SYT14: variants seen among roughly 807,000 people sequenced by gnomAD.
The protein encoded by SYT14 is synaptotagmin 14.
In SYT14, 32 loss-of-function variants were observed where a neutral mutation model predicts 74.2. The observed-to-expected ratio is 0.43, with a 90% confidence interval of 0.33 to 0.58. The LOEUF is 0.58. SYT14 is among the 20% of genes least tolerant of loss of function. The pLI is 0.05. For missense variants in SYT14, 791 were observed against 981.8 expected (o/e 0.81, Z 2.60); for synonymous variants, 298 against 337.7 (o/e 0.88, Z 1.29).
chr1:209,947,915 G>A (rs1054815924), intron 1 of SYT14, among the ~76,000 whole-genome samples: 29 of 152,150 alleles, frequency 1.9e-4, no homozygotes, highest in African/African-American at 6.5e-4. Flanking sequence ...ACATCAAGGC[G>A]AGACCCTTCG....
intron 5 of SYT14, among the ~76,000 whole-genome samples, chr1:210,084,724 C>T (rs755379363): frequency 6.6e-5 from 10 of 152,282 alleles, no homozygotes; most frequent in Middle Eastern, 6.8e-3. Flanking sequence ...AAAGAGCATT[C>T]GTAGGTTAAA....
At chr1:210,028,803 T>A (rs1410750293) in intron 5 of SYT14, among the ~76,000 whole-genome samples, 1 of 152,192 alleles carries the variant, frequency 6.6e-6, no homozygotes, top group East Asian at 1.9e-4. Flanking sequence ...ATGAAATTGG[T>A]GGCTCTATGG....
chr1:209,964,983 T>C (rs1246614111), intron 2 of SYT14, among the ~76,000 whole-genome samples: 1 of 152,166 alleles, frequency 6.6e-6, no homozygotes. Context: ...ATAAGCAGGC[T>C]TTTCTAAGGA....
intron 5 of SYT14, among the ~76,000 whole-genome samples, chr1:210,049,704 C>T (rs1363133177): frequency 6.6e-6 from 1 of 152,126 alleles, no homozygotes; most frequent in East Asian, 1.9e-4. Flanking sequence ...TGTTCCTGCC[C>T]AAACACCAGT....
chr1:210,070,601 A>G (rs1489034005), intron 5 of SYT14, among the ~76,000 whole-genome samples: 6 of 152,228 alleles, frequency 3.9e-5, no homozygotes, highest in Admixed American at 1.3e-4. Context: ...CTCAAGGCCT[A>G]TGGAGTTTAG....
chr1:210,087,131 G>A (rs990083249), intron 5 of SYT14, among the ~76,000 whole-genome samples: 8 of 152,108 alleles, frequency 5.3e-5, no homozygotes, highest in African/African-American at 1.7e-4. Context: ...TCTAGGCCCT[G>A]ACTTCCTGCC....
At chr1:210,078,955 G>A (rs772373889) in intron 5 of SYT14, among the ~76,000 whole-genome samples, 16 of 151,494 alleles carry the variant, frequency 1.1e-4, no homozygotes, top group Non-Finnish European at 1.3e-4. Context: ...AGTTTTCACC[G>A]TGTTTCCCAG....
chr1:209,990,525 A>ATATATATATATATACG (rs2079645945), intron 2 of SYT14, among the ~76,000 whole-genome samples: 8 of 96,580 alleles, frequency 8.3e-5, no homozygotes, highest in Non-Finnish European at 1.3e-4. Flanking sequence ...AATATTTCAC[A>ATATATATATATATACG]TATATATATA....
At chr1:209,993,601 G>T (rs781194747) in intron 2 of SYT14, among the ~76,000 whole-genome samples, 7 of 152,148 alleles carry the variant, frequency 4.6e-5, no homozygotes, top group Non-Finnish European at 7.3e-5. Flanking sequence ...CTTAAACAGG[G>T]CCTGTCCAGA....
At position 210,059,451 on chromosome 1, in the gene SYT14, T is replaced by TATATATATAGAGAG. The variant is rs377050610; in HGVS notation, c.1313-34870_1313-34869insTATATATAGAGAGA. Among the ~76,000 whole-genome samples, 229 of 69,866 alleles carry TATATATATAGAGAG rather than the reference T, an allele frequency of 3.3e-3. 1 individual carries two copies. The highest frequency in any genetic ancestry group is 4.3e-3 in the African/African-American group (55 of 12,736). The allele number at this position is 69,866 out of a possible 152,430, so 45.8% of individuals were successfully genotyped here. On this transcript the variant is annotated intron_variant, in intron 5 of 9. Coordinates refer to ENST00000637265, the Ensembl canonical transcript of SYT14. ...GAATATATATATATATATATATATA[T>TATATATATAGAGAG]AGAGAGAGAGAGAGAGAGAGAGAGA...
intron 7 of SYT14, among the ~76,000 whole-genome samples, chr1:210,142,430 A>G (rs983348692): frequency 1.3e-5 from 2 of 152,110 alleles, no homozygotes; most frequent in African/African-American, 4.8e-5. Context: ...TGTTGCTTTT[A>G]TAGAGGAGCA....
chr1:210,160,538 T>C (rs1367049697), intron 9 of SYT14, among the ~76,000 whole-genome samples, 191 bp from the exon 9 acceptor site: 2 of 152,176 alleles, frequency 1.3e-5, no homozygotes, highest in Admixed American at 1.3e-4. Context: ...ATTTTTGGCC[T>C]ATTTAGGATT....
intron 2 of SYT14, chr1:209,965,801 A>G (rs2079147438): frequency 4.9e-6 from 2 of 406,782 alleles, no homozygotes; most frequent in South Asian, 1.8e-5. Context: ...GAAAAAAACT[A>G]TCCTTTCTGT....
intron 5 of SYT14, among the ~76,000 whole-genome samples, chr1:210,024,890 G>A (rs192470951): frequency 6.6e-6 from 1 of 152,228 alleles, no homozygotes; most frequent in Non-Finnish European, 1.5e-5. Context: ...GCGTGGTTGG[G>A]GAGAATGATA....
intron 5 of SYT14, among the ~76,000 whole-genome samples, chr1:210,066,042 C>G (rs886218701): frequency 9.2e-5 from 14 of 151,952 alleles, no homozygotes; most frequent in African/African-American, 3.4e-4. Context: ...CATGTCCCTA[C>G]AAAGGACATG....
chr1:209,965,904 C>A, intron 2 of SYT14: 1 of 443,906 alleles, frequency 2.3e-6, no homozygotes, highest in Non-Finnish European at 4.5e-6. Context: ...TAGGGTATTT[C>A]TCTGTGGCCA....
At position 210,088,079 on chromosome 1, in the gene SYT14, A is replaced by C. The variant is rs2081775705; in HGVS notation, c.1313-6243A>C. Among the ~76,000 whole-genome samples, 3 of 150,254 alleles carry C rather than the reference A, an allele frequency of 2.0e-5. No individual in the cohort carries two copies. In the South Asian group the frequency reaches 6.3e-4, roughly 31 times the overall value. ...TTTATTCGTGTTTTCAGTGAATTTTATTTTGATGCTTTCTGTTATATGCTT... is the reference window on the plus strand; with the variant it reads ...TTTATTCGTGTTTTCAGTGAATTTTCTTTTGATGCTTTCTGTTATATGCTT... On this transcript the variant is annotated intron_variant, in intron 5 of 9. Transcript: ENST00000637265.
intron 2 of SYT14, among the ~76,000 whole-genome samples, chr1:209,972,730 T>C (rs1429673389): frequency 1.3e-5 from 2 of 152,176 alleles, no homozygotes; most frequent in East Asian, 3.8e-4. Context: ...ATGATTTCAG[T>C]TTTTTTGAAT....
At chr1:210,121,290 T>C (rs186329350) in intron 7 of SYT14, among the ~76,000 whole-genome samples, 87 of 152,324 alleles carry the variant, frequency 5.7e-4, no homozygotes, top group Non-Finnish European at 4.0e-4. Flanking sequence ...TGTTCTAATT[T>C]TGTGGTAATC....
Sources: allele counts gnomAD v4.1 joint callset (sites outside exome capture counted in the v4.1 genomes callset), GRCh38; gene constraint gnomAD v4.1.1; transcripts MANE v1.5; gene names NCBI Gene and HGNC (gene_info 2026-07-23, HGNC 2026-07-21).